Variants in STARD3NL observed in about 807,000 individuals in gnomAD.
STARD3NL encodes the protein STARD3 N-terminal-like protein.
In STARD3NL, 17 loss-of-function variants were observed where a neutral mutation model predicts 30.9. The observed-to-expected ratio is 0.55, with a 90% CI of 0.38 to 0.82. STARD3NL has a LOEUF of 0.82. Ranked by LOEUF, STARD3NL falls within the 40% of genes least tolerant of loss-of-function variation. The probability of loss-of-function intolerance (pLI) is 0.00; values close to 1 mark genes in which losing one functional copy is unlikely to be tolerated. For synonymous variants in STARD3NL, 112 were observed against 100.5 expected, an observed-to-expected ratio of 1.11 and a Z score of -0.69; for missense variants, 234 against 277.6, an observed-to-expected ratio of 0.84 and a Z score of 1.12.
chr7:38,189,817 G>A (rs1168930510), intron 1 of STARD3NL, among the ~76,000 whole-genome samples: 2 of 152,096 alleles, frequency 1.3e-5, no homozygotes, highest in African/African-American at 4.8e-5. Flanking sequence ...ATTCTTATAT[G>A]GCTTTTCCTT....
intron 1 of STARD3NL, among the ~76,000 whole-genome samples, chr7:38,193,545 G>A (rs960904457): frequency 2.0e-5 from 3 of 152,288 alleles, no homozygotes; most frequent in Non-Finnish European, 2.9e-5. Context: ...TGATCCACCC[G>A]CCTTGGCCTC....
chr7:38,225,787 A>C (rs1424819103), intron 7 of STARD3NL, among the ~76,000 whole-genome samples: 2 of 152,090 alleles, frequency 1.3e-5, no homozygotes, highest in Non-Finnish European at 2.9e-5. Flanking sequence ...TGCTTTAGTG[A>C]TATCACATGA....
At chr7:38,199,405 A>G (rs1785073360) in intron 1 of STARD3NL, among the ~76,000 whole-genome samples, 3 of 152,234 alleles carry the variant, frequency 2.0e-5, no homozygotes, top group African/African-American at 4.8e-5. Flanking sequence ...CTCTGCTAGT[A>G]TATGTGCTAG....
chr7:38,227,319 AGGCAGTTCCCCACCTCCT>A (rs1047419639), intron 7 of STARD3NL, among the ~76,000 whole-genome samples: 8 of 152,188 alleles, frequency 5.3e-5, no homozygotes, highest in African/African-American at 1.4e-4. Context: ...CAGTAAGGAC[AGGCAGTTCCCCACCTCCT>A]GTCTCTATGA....
intron 1 of STARD3NL, among the ~76,000 whole-genome samples, chr7:38,183,045 AT>A (rs1254601701): frequency 6.6e-5 from 10 of 152,218 alleles, no homozygotes; most frequent in Admixed American, 5.2e-4. Context: ...TCTCAGAATT[AT>A]TTTTTAAAAT....
At chr7:38,194,155 ATGG>A (rs1332945628) in intron 1 of STARD3NL, among the ~76,000 whole-genome samples, 2 of 152,138 alleles carry the variant, frequency 1.3e-5, no homozygotes, top group Middle Eastern at 3.2e-3. Flanking sequence ...GACTTTAGTT[ATGG>A]TTTTCAAATG....
chr7:38,184,567 G>C (rs1284064360), intron 1 of STARD3NL, among the ~76,000 whole-genome samples: 1 of 150,188 alleles, frequency 6.7e-6, no homozygotes, highest in African/African-American at 2.5e-5. Flanking sequence ...CTCAGAGTAA[G>C]AGCTCACTCA....
intron 7 of STARD3NL, among the ~76,000 whole-genome samples, chr7:38,219,929 G>A (rs1393500239): frequency 6.6e-6 from 1 of 152,140 alleles, no homozygotes; most frequent in East Asian, 1.9e-4. Context: ...AAGCGTCTCA[G>A]TGCTCTCATT....
intron 7 of STARD3NL, 108 bp downstream of exon 7, chr7:38,219,768 C>A: frequency 1.2e-6 from 1 of 838,942 alleles, no homozygotes; most frequent in Non-Finnish European, 2.0e-6. Context: ...TAACATCTAA[C>A]ATGCCAGGCA....
intron 5 of STARD3NL, 33 bp downstream of exon 5, chr7:38,217,111 A>G (rs766620433): frequency 1.2e-6 from 2 of 1,613,922 alleles, no homozygotes; most frequent in Non-Finnish European, 1.7e-6. Flanking sequence ...TACAGTTACC[A>G]TCTTCAGTGA....
intron 1 of STARD3NL, among the ~76,000 whole-genome samples, chr7:38,186,666 A>G (rs1416805104): frequency 6.6e-6 from 1 of 152,216 alleles, no homozygotes; most frequent in Non-Finnish European, 1.5e-5. Flanking sequence ...TGCTTATAGT[A>G]TTCAGCACAG....
chr7:38,214,386 G>A lies in STARD3NL; in HGVS notation c.255G>A (p.Glu85=). Residue 85 remains glutamate (E), a synonymous_variant, in exon 3 of 9, where the codon GAG becomes GAA. Coordinates refer to ENST00000009041, the MANE Select transcript of STARD3NL (RefSeq NM_032016.4). The stretch of plus-strand genomic sequence containing the variant: ...ATGGAGGCATTGAGAACACATTAGA[G>A]AAGGAGGTGATGCAGTATGACTACT... The part of the protein sequence containing the change: ...NVNGGIENTL[E]KEVMQYDYYS... 6.2e-7 allele frequency: 1 copy of A among 1,608,556 alleles called. No individual in the cohort carries two copies.
chr7:38,192,955 T>C (rs899834940), intron 1 of STARD3NL, among the ~76,000 whole-genome samples: 1 of 151,816 alleles, frequency 6.6e-6, no homozygotes, highest in African/African-American at 2.4e-5. Flanking sequence ...TTTTTTTTTA[T>C]GTCAGGGATG....
intron 1 of STARD3NL, among the ~76,000 whole-genome samples, chr7:38,181,166 T>C (rs1784231359): frequency 6.6e-6 from 1 of 152,222 alleles, no homozygotes; most frequent in South Asian, 2.1e-4. Flanking sequence ...AGCTGTGGTT[T>C]AAAAATGACT....
At chr7:38,229,101 A>G (rs1435009864) in intron 8 of STARD3NL, among the ~76,000 whole-genome samples, 1 of 152,258 alleles carries the variant, frequency 6.6e-6, no homozygotes, top group Non-Finnish European at 1.5e-5. Context: ...TTTCTAAAGA[A>G]TAGAGATGAA....
intron 1 of STARD3NL, chr7:38,202,272 T>G (rs564809997): frequency 6.6e-6 from 1 of 152,210 alleles, no homozygotes; most frequent in Non-Finnish European, 1.5e-5. Context: ...TCTTACTGAG[T>G]TTTTCAAAAT....
intron 1 of STARD3NL, among the ~76,000 whole-genome samples, chr7:38,180,548 C>G (rs1447358479): frequency 6.6e-6 from 1 of 152,162 alleles, no homozygotes; most frequent in African/African-American, 2.4e-5. Context: ...AGGTATGTTA[C>G]ATACATTCTA....
chr7:38,200,192 G>A (rs1785110560), intron 1 of STARD3NL, among the ~76,000 whole-genome samples: 1 of 152,190 alleles, frequency 6.6e-6, no homozygotes. Context: ...TAGGCAACAA[G>A]AAGCAGCTGG....
intron 1 of STARD3NL, among the ~76,000 whole-genome samples, chr7:38,195,276 G>A (rs1161139381): frequency 6.6e-6 from 1 of 152,042 alleles, no homozygotes; most frequent in Non-Finnish European, 1.5e-5. Flanking sequence ...GGCTGGTCTC[G>A]AACTCCTGAC....
Sources: allele counts gnomAD v4.1 joint callset (sites outside exome capture counted in the v4.1 genomes callset), GRCh38; gene constraint gnomAD v4.1.1; transcripts MANE v1.5; gene names NCBI Gene and HGNC (gene_info 2026-07-23, HGNC 2026-07-21).